Variants in ECE1 observed in about 807,000 individuals in gnomAD.
ECE1 encodes endothelin-converting enzyme 1.
Under a neutral mutation model 98.6 loss-of-function variants are expected in ECE1, and 35 were observed. That is an observed-to-expected ratio of 0.35 (90% confidence interval 0.27 to 0.47). ECE1 has a LOEUF of 0.47. Ranked by LOEUF, ECE1 falls within the 20% of genes least tolerant of loss-of-function variation. The pLI is 1.00. For synonymous variants in ECE1, 394 were observed against 407.1 expected (o/e 0.97, Z 0.39); for missense variants, 814 against 1,025.3 (o/e 0.79, Z 2.81).
At position 21,333,857 on chromosome 1, in the gene ECE1, A is replaced by G. The variant is rs148455960; in HGVS notation, c.3+11519T>C. On this transcript the variant is annotated intron_variant, in intron 1 of 18. Transcript: ENST00000415912. ...TCAAAAAAAAAAAAATGACGGAGCC[A>G]CAAAGGTAATAACAGCTCCCACCTC... 2.2e-3 allele frequency among the ~76,000 whole-genome samples: 329 copies of G among 152,184 alleles called. 1 individual carries two copies. Among genetic ancestry groups the G allele is most frequent in the African/African-American group, 7.6e-3 (315 of 41,522 alleles).
chr1:21,258,665 C>T lies in ECE1; in HGVS notation c.762+28G>A, dbSNP rs748401807. 4.3e-6 allele frequency: 7 copies of T among 1,613,400 alleles called. No homozygotes were observed. The highest frequency in any genetic ancestry group is 2.2e-5 in the East Asian group (1 of 44,850). On this transcript the variant is annotated intron_variant, in intron 6 of 18. Coordinates refer to ENST00000374893, the MANE Select transcript of ECE1 (RefSeq NM_001397.3). This position sits in a 1 kb window ranked among gnomAD's most constrained non-coding sequence, Gnocchi z 4.2. ...CAGGAAGAGGTCGTGCCCGCCCCCT[C>T]GACCGCTGCAGGTTCAAGCTAGCTC... is the stretch of plus-strand genomic sequence containing the variant.
At chr1:21,259,676 C>T (rs1003625333) in intron 5 of ECE1, among the ~76,000 whole-genome samples, 2 of 152,186 alleles carry the variant, frequency 1.3e-5, no homozygotes, top group Non-Finnish European at 2.9e-5. Context: ...AGAGGCAGGG[C>T]TGTCCAGGGA....
rs1242738744 is a variant in ECE1 at position 21,218,252 on chromosome 1, C to T, written c.*1703G>A. The T allele has an allele frequency of 6.6e-6, 1 of 152,310 alleles. No individual in the cohort carries two copies. Among genetic ancestry groups the T allele is most frequent in the Admixed American group, 6.5e-5 (1 of 15,288 alleles). 9.4% of individuals were successfully genotyped at this position (152,310 alleles called of 1,614,324 possible). On this transcript the variant is annotated 3_prime_UTR_variant, in exon 19 of 19. Transcript: ENST00000374893. The surrounding 1 kb of genome is among the most constrained non-coding windows in gnomAD (Gnocchi z 4.0). Reference sequence around the variant, plus strand: ...ATTCAACCCAGGGGCCGACAATGGACTGCAGCCCAGGGTAAGTCCAGCAGT... The same window carrying T: ...ATTCAACCCAGGGGCCGACAATGGATTGCAGCCCAGGGTAAGTCCAGCAGT...
intron 1 of ECE1, among the ~76,000 whole-genome samples, chr1:21,323,059 AT>A (rs1204664632): frequency 6.6e-6 from 1 of 152,286 alleles, no homozygotes; most frequent in East Asian, 1.9e-4. Flanking sequence ...CTTAAGTCTC[AT>A]TTCCTTTTGA....
chr1:21,258,822 G>A lies in ECE1; in HGVS notation c.633C>T (p.Ile211=). Residue 211 remains isoleucine, a synonymous_variant, in exon 6 of 19, where the codon ATC becomes ATT. Transcript: ENST00000374893. The surrounding 1 kb of genome is among the most constrained non-coding windows in gnomAD (Gnocchi z 4.2). ...ELIERLGGWN[I]TGPWAKDNFQ... ...AGTTGTCCTTGGCCCAGGGACCTGT[G>A]ATGTTCCAGCCCCCGAGCTGTGGGG... 6.2e-7 allele frequency: 1 copy of A among 1,614,184 alleles called. No individual in the cohort carries two copies. Among genetic ancestry groups the A allele is most frequent in the Non-Finnish European group, 8.5e-7 (1 of 1,180,036 alleles).
chr1:21,243,187 G>A (rs1437496841), intron 10 of ECE1, among the ~76,000 whole-genome samples: 1 of 151,968 alleles, frequency 6.6e-6, no homozygotes, highest in Non-Finnish European at 1.5e-5. Context: ...ACTGAGCCTC[G>A]ATTTCATCAT....
At chr1:21,279,590 C>T (rs1231965175) in intron 2 of ECE1, 14 of 1,436,666 alleles carry the variant, frequency 9.7e-6, no homozygotes, top group African/African-American at 1.4e-5. Flanking sequence ...TTGTGTCACT[C>T]GATATGAGTG....
chr1:21,273,025 A>G, intron 3 of ECE1, 114 bp from the exon 4 acceptor site: 1 of 1,152,520 alleles, frequency 8.7e-7, no homozygotes, highest in Non-Finnish European at 1.3e-6. Context: ...CCCTGACCAC[A>G]CAGATTTGGA....
In ECE1 at chr1:21,235,838, G is replaced by A. The variant is rs944602008; in HGVS notation, c.1566+12C>T. ...TTTAGGAACGCAAGGGGGCAGGGCA[G>A]CAGCTACTCACGTCATTAAACACTT... On this transcript the variant is annotated intron_variant, in intron 13 of 18. Coordinates refer to ENST00000374893, the MANE Select transcript of ECE1 (RefSeq NM_001397.3). The surrounding 1 kb of genome is among the most constrained non-coding windows in gnomAD (Gnocchi z 4.2). The A allele has an allele frequency of 1.9e-6, 3 of 1,613,958 alleles. No homozygotes were observed. Among genetic ancestry groups the A allele is most frequent in the African/African-American group, 2.7e-5 (2 of 74,948 alleles).
Position 21,290,451 on chromosome 1 carries a change from G to A in ECE1, c.-37C>T. 8.1e-7 allele frequency: 1 copy of A among 1,228,890 alleles called. No individual in the cohort carries two copies. The highest frequency in any genetic ancestry group is 1.0e-6 in the Non-Finnish European group (1 of 986,370). 76.1% of individuals were successfully genotyped at this position (1,228,890 alleles called of 1,614,324 possible). Reference sequence around the variant, plus strand: ...GACGCCTGGTCCCGCTGCCCGGGTGGCCGGGATGGGATGGGCCGGGCCAGG... The same window carrying A: ...GACGCCTGGTCCCGCTGCCCGGGTGACCGGGATGGGATGGGCCGGGCCAGG... On this transcript the variant is annotated 5_prime_UTR_variant, in exon 1 of 19. Coordinates refer to ENST00000374893, the MANE Select transcript of ECE1 (RefSeq NM_001397.3). The surrounding 1 kb of genome is among the most constrained non-coding windows in gnomAD (Gnocchi z 7.3).
chr1:21,281,309 G>C (rs951895171), intron 2 of ECE1, among the ~76,000 whole-genome samples: 1 of 152,216 alleles, frequency 6.6e-6, no homozygotes, highest in African/African-American at 2.4e-5. Context: ...TCAGGCAGTG[G>C]GAGGGATGCC....
Position 21,238,175 on chromosome 1 carries a change from T to C in ECE1, c.1348A>G (p.Met450Val). The C allele has an allele frequency of 6.2e-7, 1 of 1,614,236 alleles. No individual in the cohort carries two copies. Among genetic ancestry groups the C allele is most frequent in the Non-Finnish European group, 8.5e-7 (1 of 1,180,050 alleles). Residue 450 changes from methionine to valine, a missense_variant, in exon 11 of 19, where the codon ATG becomes GTG. Met to Val is a conservative substitution (Grantham distance 21, BLOSUM62 1). This residue lies in a region of ECE1 where 452 missense variants were observed against 567.3 expected (regional missense o/e 0.80). Coordinates refer to ENST00000374893, the MANE Select transcript of ECE1 (RefSeq NM_001397.3). ...ENNLGFALGP[M>V]FVKATFAEDS... ...TCGGCGAAGGTTGCTTTGACAAACA[T>C]GGGGCCCAACGCAAAGCCCAGGTTG...
intron 17 of ECE1, among the ~76,000 whole-genome samples, chr1:21,224,498 T>C (rs1367308819): frequency 2.0e-5 from 3 of 152,132 alleles, no homozygotes; most frequent in South Asian, 4.1e-4. Context: ...AGTGTGCTTA[T>C]CTGCAAAACG....
chr1:21,283,312 C>T (rs968504835), intron 2 of ECE1, among the ~76,000 whole-genome samples: 2 of 151,630 alleles, frequency 1.3e-5, no homozygotes, highest in Non-Finnish European at 2.9e-5. Flanking sequence ...ACTGTGTCGC[C>T]CAGGCTGGAG....
At chr1:21,265,625 T>G (rs542638191) in intron 4 of ECE1, among the ~76,000 whole-genome samples, 1 of 152,288 alleles carries the variant, frequency 6.6e-6, no homozygotes, top group East Asian at 1.9e-4. Flanking sequence ...AGCCCCTCGT[T>G]CAGGCCCCCA....
chr1:21,227,098 TC>T, intron 16 of ECE1, 60 bp downstream of exon 16: 1 of 1,559,132 alleles, frequency 6.4e-7, no homozygotes, highest in Non-Finnish European at 8.8e-7. Context: ...CCTCAAGCAA[TC>T]CTCCTCTTAA....
chr1:21,313,521 C>T (rs567475207), intron 1 of ECE1, among the ~76,000 whole-genome samples: 6 of 150,218 alleles, frequency 4.0e-5, no homozygotes, highest in East Asian at 1.9e-4. Context: ...CAGAGCTGGG[C>T]GGGGATGAGA....
At chr1:21,239,655 G>A (rs983558215) in intron 10 of ECE1, among the ~76,000 whole-genome samples, 4 of 152,228 alleles carry the variant, frequency 2.6e-5, no homozygotes, top group African/African-American at 7.2e-5. Flanking sequence ...ACACCCAGCT[G>A]CACCAGCCTT....
intron 2 of ECE1, among the ~76,000 whole-genome samples, chr1:21,286,842 C>G (rs930780614): frequency 6.6e-6 from 1 of 151,340 alleles, no homozygotes; most frequent in Non-Finnish European, 1.5e-5. Context: ...GAGAGAATCA[C>G]AGGTCAAGGC....
Sources: allele counts gnomAD v4.1 joint callset (sites outside exome capture counted in the v4.1 genomes callset), GRCh38; gene constraint gnomAD v4.1.1; regional missense constraint gnomAD v4.1.1; non-coding constraint Gnocchi (gnomAD v3.1); transcripts MANE v1.5; gene names NCBI Gene and HGNC (gene_info 2026-07-23, HGNC 2026-07-21).